GLT1D1: variants seen among roughly 807,000 people sequenced by gnomAD.
The protein encoded by GLT1D1 is glycosyltransferase 1 domain-containing protein 1.
In GLT1D1, 21 loss-of-function variants were observed where a neutral mutation model predicts 28.7. The observed-to-expected ratio is 0.73, with a 90% CI of 0.52 to 1.05. GLT1D1 has a LOEUF of 1.05. Ranked by LOEUF, GLT1D1 falls within the 50% of genes least tolerant of loss-of-function variation. The probability of loss-of-function intolerance (pLI) is 0.00; values close to 1 mark genes in which losing one functional copy is unlikely to be tolerated. For synonymous variants in GLT1D1, 147 were observed against 124.8 expected, an observed-to-expected ratio of 1.18 and a Z score of -1.19; for missense variants, 343 against 330.6, an observed-to-expected ratio of 1.04 and a Z score of -0.29.
intron 4 of GLT1D1, chr12:128,944,792 A>T: frequency 2.8e-6 from 1 of 358,304 alleles, no homozygotes. Flanking sequence ...TAACACGTCA[A>T]TTTATATATA....
intron 7 of GLT1D1, among the ~76,000 whole-genome samples, chr12:128,978,745 G>A (rs1880035864): frequency 6.6e-6 from 1 of 152,272 alleles, no homozygotes; most frequent in African/African-American, 2.4e-5. Context: ...TCCGTAGACA[G>A]AGCACCGTGA....
chr12:128,889,392 T>C (rs1868775672), intron 3 of GLT1D1, among the ~76,000 whole-genome samples: 2 of 152,168 alleles, frequency 1.3e-5, no homozygotes, highest in South Asian at 4.1e-4. Flanking sequence ...AGGTAGCTGC[T>C]GTGAGAACAG....
chr12:128,947,354 T>C lies in GLT1D1; in HGVS notation c.436T>C (p.Leu146=), dbSNP rs780852432. 1.2e-6 allele frequency: 2 copies of C among 1,614,018 alleles called. No homozygotes were observed. The highest frequency in any genetic ancestry group is 2.2e-5 in the South Asian group (2 of 91,066). ...GTGTTTCAGAGCCGCTGGGGTACGATTGATTGGAGAGATGCCTCAAGAAGA... is the reference window on the plus strand; with the variant it reads ...GTGTTTCAGAGCCGCTGGGGTACGACTGATTGGAGAGATGCCTCAAGAAGA... The change falls in exon 6 of 8, where the codon TTG becomes CTG. Residue 146 remains leucine (L), a synonymous_variant. Coordinates refer to ENST00000281703, the MANE Select transcript of GLT1D1 (RefSeq NM_144669.3).
At chr12:128,893,966 C>G (rs1432848778) in intron 3 of GLT1D1, among the ~76,000 whole-genome samples, 1 of 152,240 alleles carries the variant, frequency 6.6e-6, no homozygotes, top group African/African-American at 2.4e-5. Flanking sequence ...GGCCCATTGT[C>G]AGGCAATTGT....
intron 1 of GLT1D1, among the ~76,000 whole-genome samples, chr12:128,875,367 C>T (rs974742385): frequency 2.0e-5 from 3 of 152,222 alleles, no homozygotes; most frequent in African/African-American, 7.2e-5. Context: ...TCGGTTCCAG[C>T]CACAGTCCTG....
chr12:128,956,942 C>T (rs371633175), intron 6 of GLT1D1, among the ~76,000 whole-genome samples: 5 of 152,202 alleles, frequency 3.3e-5, no homozygotes, highest in Non-Finnish European at 7.3e-5. Context: ...GCCTCCTTTC[C>T]GGGCAGGCGA....
At chr12:128,978,919 C>T (rs1880054090) in intron 7 of GLT1D1, among the ~76,000 whole-genome samples, 1 of 152,138 alleles carries the variant, frequency 6.6e-6, no homozygotes, top group East Asian at 1.9e-4. Flanking sequence ...GTGAGGACAA[C>T]CGGAGGTCAT....
chr12:128,894,561 G>A (rs1476546502), intron 3 of GLT1D1, among the ~76,000 whole-genome samples: 1 of 151,848 alleles, frequency 6.6e-6, no homozygotes, highest in Non-Finnish European at 1.5e-5. Context: ...GGACTCGTGG[G>A]GGCCGGGCAT....
At chr12:128,949,918 C>T (rs148295686) in intron 6 of GLT1D1, among the ~76,000 whole-genome samples, 410 of 152,290 alleles carry the variant, frequency 2.7e-3, no homozygotes, top group African/African-American at 9.0e-3. Context: ...AAAGCAGAGA[C>T]GAGCACCTGC....
At chr12:128,966,613 G>A (rs1001766104) in intron 7 of GLT1D1, among the ~76,000 whole-genome samples, 8 of 152,144 alleles carry the variant, frequency 5.3e-5, no homozygotes, top group Admixed American at 4.6e-4. Flanking sequence ...TCTTCTGCAC[G>A]CAGCCCCAGC....
At chr12:128,953,461 G>A (rs1021521247) in intron 6 of GLT1D1, among the ~76,000 whole-genome samples, 1 of 152,178 alleles carries the variant, frequency 6.6e-6, no homozygotes, top group African/African-American at 2.4e-5. Flanking sequence ...ATAGGCATGA[G>A]CCACTGCACC....
chr12:128,942,730 T>C (rs1875434903), intron 4 of GLT1D1, among the ~76,000 whole-genome samples: 1 of 127,654 alleles, frequency 7.8e-6, no homozygotes, highest in Non-Finnish European at 1.6e-5. Flanking sequence ...ATTCCAATTT[T>C]CTTTGTTTGT....
At chr12:128,913,366 C>T (rs922916322) in intron 4 of GLT1D1, among the ~76,000 whole-genome samples, 16 of 149,288 alleles carry the variant, frequency 1.1e-4, no homozygotes, top group African/African-American at 3.6e-4. Flanking sequence ...ATTACAGGTG[C>T]CCCCCCACCA....
At chr12:128,853,883 G>C (rs1419502693) in intron 1 of GLT1D1, among the ~76,000 whole-genome samples, 2 of 152,160 alleles carry the variant, frequency 1.3e-5, no homozygotes, top group Non-Finnish European at 2.9e-5. Flanking sequence ...TTGGCCTCGC[G>C]CTCTCCGGAG....
At chr12:128,950,507 C>T (rs753988151) in intron 6 of GLT1D1, among the ~76,000 whole-genome samples, 1 of 152,166 alleles carries the variant, frequency 6.6e-6, no homozygotes, top group Non-Finnish European at 1.5e-5. Flanking sequence ...AAATGCAAGC[C>T]GACCTCTCTG....
chr12:128,957,335 G>A (rs1195077110), intron 6 of GLT1D1, among the ~76,000 whole-genome samples: 1 of 152,184 alleles, frequency 6.6e-6, no homozygotes, highest in African/African-American at 2.4e-5. Context: ...TAGTGTTTCA[G>A]AGCTTCCAAA....
At chr12:128,901,793 G>C (rs1274174572) in intron 4 of GLT1D1, among the ~76,000 whole-genome samples, 2 of 149,690 alleles carry the variant, frequency 1.3e-5, no homozygotes, top group Non-Finnish European at 3.0e-5. Flanking sequence ...TGTTACCCAG[G>C]CTAGATTGCA....
chr12:128,919,466 TC>T (rs1284481017), intron 4 of GLT1D1, among the ~76,000 whole-genome samples: 1 of 152,208 alleles, frequency 6.6e-6, no homozygotes, highest in Non-Finnish European at 1.5e-5. Context: ...ATTCTCCTCT[TC>T]CGGCATGTCA....
At chr12:128,980,937 G>A (rs111477125) in intron 7 of GLT1D1, among the ~76,000 whole-genome samples, 1 of 152,150 alleles carries the variant, frequency 6.6e-6, no homozygotes, top group Non-Finnish European at 1.5e-5. Context: ...AACCATCTTC[G>A]CTGGTAAGCA....
Sources: allele counts gnomAD v4.1 joint callset (sites outside exome capture counted in the v4.1 genomes callset), GRCh38; gene constraint gnomAD v4.1.1; transcripts MANE v1.5; gene names NCBI Gene and HGNC (gene_info 2026-07-23, HGNC 2026-07-21).